GZMK: variants seen among roughly 807,000 people sequenced by gnomAD.
The protein encoded by GZMK is NK-Tryp-2.
In GZMK, 18 loss-of-function variants were observed where a neutral mutation model predicts 22.8. The observed-to-expected ratio is 0.79, with a 90% CI of 0.54 to 1.17. The LOEUF is 1.17. GZMK is among the 50% of genes most tolerant of loss of function. GZMK has a pLI of 0.00. For missense variants in GZMK, 342 were observed against 320.2 expected (o/e 1.07, Z -0.52); for synonymous variants, 136 against 115.0 (o/e 1.18, Z -1.17).
intron 4 of GZMK, among the ~76,000 whole-genome samples, chr5:55,033,348 TGTGAG>T (rs1741263445): frequency 6.6e-6 from 1 of 152,268 alleles, no homozygotes; most frequent in Non-Finnish European, 1.5e-5. Context: ...ATTTTAGGTC[TGTGAG>T]CATCAAAATG....
At chr5:55,029,946 G>A (rs1292169355) in intron 2 of GZMK, among the ~76,000 whole-genome samples, 2 of 152,060 alleles carry the variant, frequency 1.3e-5, no homozygotes, top group African/African-American at 2.4e-5. Flanking sequence ...CAATATACAT[G>A]TCCTTCATAC....
rs899445243 is a variant in GZMK, at chr5:55,030,571, T to C, written c.350T>C (p.Ile117Thr). Residue 117 changes from isoleucine to threonine, a missense_variant, in exon 3 of 5, where the codon ATC becomes ACC. Transcript: ENST00000231009. ...ACATCAGATCCTCAATCAAATGATA[T>C]CATGCTGGTTAAGGTAGGTAGTAGC... is the stretch of plus-strand genomic sequence containing the variant. ...RVTSDPQSND[I>T]MLVKLQTAAK... 1.9e-6 allele frequency: 3 copies of C among 1,612,112 alleles called. No individual in the cohort carries two copies. The highest frequency in any genetic ancestry group is 4.5e-5 in the East Asian group (2 of 44,882).
chr5:55,025,720 ATC>A (rs1741133186), intron 2 of GZMK: 1 of 152,114 alleles, frequency 6.6e-6, no homozygotes, highest in African/African-American at 2.4e-5. Flanking sequence ...TCACTTAAAG[ATC>A]TCTCTTAGCT....
chr5:55,031,126 G>A (rs1043281098), intron 3 of GZMK, among the ~76,000 whole-genome samples: 5 of 152,156 alleles, frequency 3.3e-5, no homozygotes, highest in Admixed American at 2.0e-4. Context: ...CAGTTTGCTC[G>A]AGACTGAACA....
chr5:55,034,298 G>T lies in GZMK; in HGVS notation c.*372G>T. On this transcript the variant is annotated 3_prime_UTR_variant, in exon 5 of 5. Transcript: ENST00000231009. ...TGGGTTGTTTTCTTTTCATTGTTGT[G>T]ATAACATTGAACATGAGATAGGCCC... 5.2e-6 allele frequency: 1 copy of T among 191,324 alleles called. No individual in the cohort carries two copies. The highest frequency in any genetic ancestry group is 1.1e-5 in the Non-Finnish European group (1 of 92,246). The allele number at this position is 191,324 out of a possible 1,614,324, so 11.9% of individuals were successfully genotyped here.
Position 55,034,254 on chromosome 5 carries a change from C to G in GZMK, c.*328C>G, listed in dbSNP as rs1325031912. On this transcript the variant is annotated 3_prime_UTR_variant, in exon 5 of 5. Coordinates refer to ENST00000231009, the MANE Select transcript of GZMK (RefSeq NM_002104.3). ...CACCTTCAACTAGGTGTAACTTCTGCTGGATCATCCTAAGTTGTTGGGTTG... is the reference window on the plus strand; with the variant it reads ...CACCTTCAACTAGGTGTAACTTCTGGTGGATCATCCTAAGTTGTTGGGTTG... 8.4e-6 allele frequency: 2 copies of G among 239,024 alleles called. No homozygotes were observed. The highest frequency in any genetic ancestry group is 1.5e-4 in the South Asian group (2 of 13,138). 14.8% of individuals were successfully genotyped at this position (239,024 alleles called of 1,614,324 possible).
chr5:55,028,301 C>A lies in GZMK; in HGVS notation c.213-2133C>A, dbSNP rs553613290. Reference sequence around the variant, plus strand: ...TCATCCTGAAGATTTTTATGTCATCCTTCTCCTACAAAGTTTTGGGTTTAG... The same window carrying A: ...TCATCCTGAAGATTTTTATGTCATCATTCTCCTACAAAGTTTTGGGTTTAG... On this transcript the variant is annotated intron_variant, in intron 2 of 4. Coordinates refer to ENST00000231009, the MANE Select transcript of GZMK (RefSeq NM_002104.3). 6 of 152,252 alleles carry A rather than the reference C, an allele frequency of 3.9e-5. No homozygotes were observed. In the South Asian group the frequency reaches 1.2e-3, roughly 32 times the overall value. 9.4% of individuals were successfully genotyped at this position (152,252 alleles called of 1,614,324 possible). A position where few individuals can be genotyped will look rare whatever the true frequency, so the allele number is the denominator to read the frequency against.
intron 4 of GZMK, 114 bp from the exon 5 acceptor site, chr5:55,033,651 A>G (rs952742506): frequency 1.3e-5 from 9 of 718,956 alleles, no homozygotes; most frequent in African/African-American, 1.8e-5. Flanking sequence ...TTCTGGACAT[A>G]AAGAAAGCAA....
Position 55,031,551 on chromosome 5 carries a change from A to G in GZMK, c.551A>G (p.Gln184Arg). The change falls in exon 4 of 5, where the codon CAA becomes CGA. Residue 184 changes from glutamine (Q) to arginine (R), a missense_variant. Physicochemically the swap from Gln to Arg is conservative, Grantham distance 43. Coordinates refer to ENST00000231009, the MANE Select transcript of GZMK (RefSeq NM_002104.3). ...CTAAGTCGAAAACTTTGCAACAGCC[A>G]AAGTTACTACAACGGCGACCCTTTT... ...TVLSRKLCNS[Q>R]SYYNGDPFIT... 1 of 1,614,010 alleles carries G rather than the reference A, an allele frequency of 6.2e-7. No individual in the cohort carries two copies. Among genetic ancestry groups the G allele is most frequent in the Non-Finnish European group, 8.5e-7 (1 of 1,179,840 alleles).
rs1362388728 is a variant in GZMK, at chr5:55,034,096, C to T, written c.*170C>T. The T allele has an allele frequency of 5.5e-6, 3 of 542,268 alleles. No individual in the cohort carries two copies. The African/African-American group carries it at 5.8e-5, about 10-fold the overall frequency. The allele number at this position is 542,268 out of a possible 1,614,324, so 33.6% of individuals were successfully genotyped here. On this transcript the variant is annotated 3_prime_UTR_variant, in exon 5 of 5. Transcript: ENST00000231009. ...ACTTGTATCACTGATGTATTTCTAC[C>T]ATGCTGGTTTTATTCTAAATAAAAT...
At position 55,033,756 on chromosome 5, in the gene GZMK, T is replaced by G; in HGVS notation, c.634-9T>G. On this transcript the variant is annotated splice_polypyrimidine_tract_variant and intron_variant, in intron 4 of 4. Coordinates refer to ENST00000231009, the MANE Select transcript of GZMK (RefSeq NM_002104.3). ...CTTACCACGTATTTGCCCTTTTTCT[T>G]CCTTCCAGGGTGACTCAGGGGGCCC... 1 of 1,576,560 alleles carries G rather than the reference T, an allele frequency of 6.3e-7. No individual in the cohort carries two copies. Among genetic ancestry groups the G allele is most frequent in the African/African-American group, 1.4e-5 (1 of 72,810 alleles).
At position 55,034,014 on chromosome 5, in the gene GZMK, T is replaced by C. The variant is rs111674670; in HGVS notation, c.*88T>C. ...TTGGGTGTAAGTAAAGCAGAGCACA[T>C]ATGGGGTCCATTTTTGCACTTGTAA... On this transcript the variant is annotated 3_prime_UTR_variant, in exon 5 of 5. Transcript: ENST00000231009. 62 of 948,230 alleles carry C rather than the reference T, an allele frequency of 6.5e-5. No homozygotes were observed. In the African/African-American group the frequency reaches 8.8e-4, roughly 13 times the overall value. 58.7% of individuals were successfully genotyped at this position (948,230 alleles called of 1,614,324 possible). A position where few individuals can be genotyped will look rare whatever the true frequency, so the allele number is the denominator to read the frequency against.
chr5:55,024,515 T>C, intron 1 of GZMK, 129 bp downstream of exon 1: 2 of 780,276 alleles, frequency 2.6e-6, no homozygotes, highest in Non-Finnish European at 4.2e-6. Context: ...ATACAAATTT[T>C]TCATCAGTAA....
chr5:55,028,909 TG>T (rs1472564586), intron 2 of GZMK, among the ~76,000 whole-genome samples: 1 of 152,192 alleles, frequency 6.6e-6, no homozygotes, highest in African/African-American at 2.4e-5. Flanking sequence ...GTTGAAACAC[TG>T]GTACTAGAAC....
At position 55,031,406 on chromosome 5, in the gene GZMK, C is replaced by T; in HGVS notation, c.406C>T (p.His136Tyr). The part of the protein sequence containing the change: ...AKLNKHVKML[H>Y]IRSKTSLRSG... ...ACTCAATAAACATGTCAAGATGCTCCACATAAGATCCAAAACCTCTCTTAG... is the reference window on the plus strand; with the variant it reads ...ACTCAATAAACATGTCAAGATGCTCTACATAAGATCCAAAACCTCTCTTAG... The change falls in exon 4 of 5, where the codon CAC becomes TAC. Residue 136 changes from histidine to tyrosine, a missense_variant. His to Tyr is a moderately conservative substitution (Grantham distance 83, BLOSUM62 2). Transcript: ENST00000231009. The T allele has an allele frequency of 6.2e-7, 1 of 1,613,230 alleles. No homozygotes were observed. Among genetic ancestry groups the T allele is most frequent in the East Asian group, 2.2e-5 (1 of 44,880 alleles).
At position 55,024,396 on chromosome 5, in the gene GZMK, T is replaced by C; in HGVS notation, c.64+10T>C. On this transcript the variant is annotated intron_variant, in intron 1 of 4. Transcript: ENST00000231009. ...TATATGACTCATGTGTGTAAGTATC[T>C]CCTATATCTACATGTAAACATTAAA... 8.1e-7 allele frequency: 1 copy of C among 1,227,690 alleles called. No individual in the cohort carries two copies. Among genetic ancestry groups the C allele is most frequent in the Non-Finnish European group, 1.2e-6 (1 of 833,440 alleles). The allele number at this position is 1,227,690 out of a possible 1,614,324, so 76.0% of individuals were successfully genotyped here. A position where few individuals can be genotyped will look rare whatever the true frequency, so the allele number is the denominator to read the frequency against.
chr5:55,025,307 A>G (rs1007185370), intron 2 of GZMK, among the ~76,000 whole-genome samples: 1 of 152,256 alleles, frequency 6.6e-6, no homozygotes, highest in Non-Finnish European at 1.5e-5. Context: ...TATTATACGC[A>G]TGAGAAGCCT....
intron 2 of GZMK, among the ~76,000 whole-genome samples, chr5:55,026,345 G>T (rs1432057583): frequency 2.6e-5 from 4 of 151,994 alleles, no homozygotes; most frequent in Non-Finnish European, 5.9e-5. Context: ...CTCACGAGAA[G>T]CGGATTCCCA....
rs1282565732 is a variant in GZMK at position 55,034,077 on chromosome 5, A to G, written c.*151A>G. 3 of 566,940 alleles carry G rather than the reference A, an allele frequency of 5.3e-6. No homozygotes were observed. The highest frequency in any genetic ancestry group is 3.8e-5 in the African/African-American group (2 of 52,808). 35.1% of individuals were successfully genotyped at this position (566,940 alleles called of 1,614,324 possible). A position where few individuals can be genotyped will look rare whatever the true frequency, so the allele number is the denominator to read the frequency against. On this transcript the variant is annotated 3_prime_UTR_variant, in exon 5 of 5. Transcript: ENST00000231009. ...AGGAATCAAGTTCTTTTTCACTTGTATCACTGATGTATTTCTACCATGCTG... is the reference window on the plus strand; with the variant it reads ...AGGAATCAAGTTCTTTTTCACTTGTGTCACTGATGTATTTCTACCATGCTG...
Sources: allele counts gnomAD v4.1 joint callset (sites outside exome capture counted in the v4.1 genomes callset), GRCh38; gene constraint gnomAD v4.1.1; transcripts MANE v1.5; gene names NCBI Gene and HGNC (gene_info 2026-07-23, HGNC 2026-07-21).